Variants in GSE1 observed in about 807,000 individuals in gnomAD.
GSE1 encodes the protein Gse1 coiled-coil protein, also known as genetic suppressor element 1.
GSE1 carries 32 observed loss-of-function variants against 112.6 expected under a neutral mutation model. That is an observed-to-expected ratio of 0.28 (90% CI 0.21 to 0.38). The LOEUF is 0.38. Ranked by LOEUF, GSE1 falls within the 10% of genes least tolerant of loss-of-function variation. GSE1 has a pLI of 1.00. For missense variants in GSE1, 2,348 were observed against 1,699.2 expected (o/e 1.38, Z -6.71); for synonymous variants, 1,115 against 735.6 (o/e 1.52, Z -8.35).
At chr16:85,551,704 C>T (rs886195957), upstream of GSE1, among the ~76,000 whole-genome samples, 5 of 152,236 alleles carry the variant, frequency 3.3e-5, no homozygotes, top group African/African-American at 1.2e-4. Context: ...ATGTCACTAA[C>T]CTACTTTGAG....
chr16:85,640,929 A>C (rs2050393512), intron 2 of GSE1, among the ~76,000 whole-genome samples: 1 of 152,178 alleles, frequency 6.6e-6, no homozygotes, highest in South Asian at 2.1e-4. Flanking sequence ...GGTCAGGGGA[A>C]GCCAGAGCCA....
chr16:85,227,727 C>A (rs1187481414), intron 1 of GSE1, among the ~76,000 whole-genome samples: 2 of 152,162 alleles, frequency 1.3e-5, no homozygotes, highest in Non-Finnish European at 2.9e-5. Flanking sequence ...CAGCCGCAGG[C>A]TCTGGAGCAC....
intron 1 of GSE1, among the ~76,000 whole-genome samples, chr16:85,214,188 A>G (rs2075272281): frequency 6.6e-6 from 1 of 152,094 alleles, no homozygotes; most frequent in Non-Finnish European, 1.5e-5. Flanking sequence ...CCGCTCACCC[A>G]CGAGAGCAGC....
chr16:85,577,872 G>A (rs1821932855), intron 1 of GSE1, among the ~76,000 whole-genome samples: 1 of 152,220 alleles, frequency 6.6e-6, no homozygotes, highest in African/African-American at 2.4e-5. Flanking sequence ...TTTCTCAGTT[G>A]AGCTGAGCCT....
chr16:85,298,194 C>T (rs898749055), intron 1 of GSE1, among the ~76,000 whole-genome samples: 6 of 152,304 alleles, frequency 3.9e-5, no homozygotes, highest in African/African-American at 1.4e-4. Flanking sequence ...CTGATGAGCT[C>T]CCTGGTGATG....
intron 1 of GSE1, among the ~76,000 whole-genome samples, chr16:85,182,334 G>C (rs1429005909): frequency 6.6e-6 from 1 of 152,206 alleles, no homozygotes; most frequent in African/African-American, 2.4e-5. Flanking sequence ...AAGAAACCAG[G>C]CAGGCTCCAG....
chr16:85,248,896 A>G (rs887873060), intron 1 of GSE1, among the ~76,000 whole-genome samples: 1 of 152,088 alleles, frequency 6.6e-6, no homozygotes, highest in East Asian at 1.9e-4. Flanking sequence ...GGCACTGGGC[A>G]CCCCCGTGGA....
chr16:85,448,465 T>TGGA (rs2151796895), intron 2 of GSE1, among the ~76,000 whole-genome samples: 2 of 152,286 alleles, frequency 1.3e-5, no homozygotes, highest in African/African-American at 4.8e-5. Flanking sequence ...ACTGTGTACC[T>TGGA]GGAGATGCTC....
intron 1 of GSE1, among the ~76,000 whole-genome samples, chr16:85,632,128 G>T (rs1041912774): frequency 6.6e-6 from 1 of 152,228 alleles, no homozygotes; most frequent in East Asian, 1.9e-4. Flanking sequence ...TGGAAAGGCA[G>T]GATGGGGGTG....
rs143642565 is a variant in GSE1 at position 85,586,700 on chromosome 16, C to A, written c.37+30337C>A. Among the ~76,000 whole-genome samples the A allele has an allele frequency of 4.3e-3, 655 of 152,296 alleles. 5 individuals carry two copies. The highest frequency in any genetic ancestry group is 0.015 in the African/African-American group (627 of 41,568). ...GTGGAAAGTATCACCCCTCCCACCTCTGAGAGCAGCCGTGTGAGACCCCCG... is the reference window on the plus strand; with the variant it reads ...GTGGAAAGTATCACCCCTCCCACCTATGAGAGCAGCCGTGTGAGACCCCCG... On this transcript the variant is annotated intron_variant, in intron 1 of 2. Coordinates refer to the GSE1 transcript ENST00000635906.
chr16:85,435,441 C>T (rs552555421), intron 2 of GSE1, among the ~76,000 whole-genome samples: 10 of 152,334 alleles, frequency 6.6e-5, no homozygotes, highest in African/African-American at 2.4e-4. Flanking sequence ...CCCTCCCTCT[C>T]CCTCGACTGC....
chr16:85,663,679 A>C, intron 11 of GSE1, 65 bp downstream of exon 11: 1 of 1,507,790 alleles, frequency 6.6e-7, no homozygotes, highest in South Asian at 1.2e-5. Flanking sequence ...CTGAAGCAGC[A>C]GGTGGGGCCG....
intron 1 of GSE1, among the ~76,000 whole-genome samples, chr16:85,252,987 G>T (rs1051446324): frequency 6.7e-6 from 1 of 150,332 alleles, no homozygotes; most frequent in Admixed American, 6.8e-5. Flanking sequence ...CCCTGCCCTC[G>T]GCAGCCCCTA....
At chr16:85,622,425 G>GAGGGT (rs1279451111) in intron 1 of GSE1, among the ~76,000 whole-genome samples, 1 of 152,186 alleles carries the variant, frequency 6.6e-6, no homozygotes, top group Non-Finnish European at 1.5e-5. Flanking sequence ...TCATATTGGG[G>GAGGGT]AGGGTGTTCA....
chr16:85,280,794 T>C (rs1377751829), intron 1 of GSE1, among the ~76,000 whole-genome samples: 1 of 152,210 alleles, frequency 6.6e-6, no homozygotes, highest in Non-Finnish European at 1.5e-5. Context: ...TCAGTGTCTC[T>C]CCATTTTTCA....
intron 2 of GSE1, among the ~76,000 whole-genome samples, chr16:85,421,287 A>G (rs1002799064): frequency 2.6e-5 from 4 of 152,026 alleles, no homozygotes; most frequent in African/African-American, 9.7e-5. Context: ...CCCTGGCCCC[A>G]GATTGCAGGG....
At chr16:85,362,767 T>G (rs1364667128) in intron 2 of GSE1, among the ~76,000 whole-genome samples, 1 of 151,562 alleles carries the variant, frequency 6.6e-6, no homozygotes, top group Middle Eastern at 3.2e-3. Flanking sequence ...CCTGGAGTAG[T>G]GCCACGTGGG....
chr16:85,661,116 C>G, intron 8 of GSE1, 30 bp from the exon 9 acceptor site: 1 of 1,533,628 alleles, frequency 6.5e-7, no homozygotes, highest in South Asian at 1.2e-5. Flanking sequence ...GTCTTTTCTC[C>G]CTGACTGAAG....
chr16:85,556,434 C>A (rs2151263113), intron 1 of GSE1: 1 of 696,562 alleles, frequency 1.4e-6, no homozygotes. Context: ...TCACCCGACC[C>A]CCCTCCGCCA....
Sources: gnomAD v4.1 joint callset for allele counts (sites outside exome capture counted in the v4.1 genomes callset) on GRCh38, gnomAD v4.1.1 for gene constraint, MANE v1.5 for transcripts, NCBI Gene and HGNC (gene_info 2026-07-23, HGNC 2026-07-21) for gene names.